CDKL5: variants seen among roughly 807,000 people sequenced by gnomAD.
CDKL5 encodes the protein cyclin dependent kinase like 5.
CDKL5 carries 8 observed loss-of-function variants against 61.7 expected under a neutral mutation model. The observed-to-expected ratio is 0.13, with a 90% CI of 0.08 to 0.23. The LOEUF (loss-of-function observed/expected upper bound fraction) is 0.23, where lower values mean the gene tolerates loss of function less well. CDKL5 is among the 10% of genes least tolerant of loss of function. The probability of loss-of-function intolerance (pLI) is 1.00; values close to 1 mark genes in which losing one functional copy is unlikely to be tolerated. For missense variants in CDKL5, 440 were observed against 734.5 expected (o/e 0.60, Z 4.63); for synonymous variants, 275 against 272.3 (o/e 1.01, Z -0.10).
chrX:18,616,201 A>G (rs772891685), intron 15 of CDKL5, among the ~76,000 whole-genome samples: 33 of 112,371 alleles, frequency 2.9e-4, no homozygotes, highest in African/African-American at 1.0e-3. Context: ...ATAGATCTCT[A>G]TGGAGTGTGT....
chrX:18,465,211 A>G (rs767946180), intron 1 of CDKL5, among the ~76,000 whole-genome samples: 17 of 111,589 alleles, frequency 1.5e-4, no homozygotes, highest in Admixed American at 3.8e-4. Context: ...TACAGCAAGC[A>G]TCCCTGTATG....
chrX:18,433,663 TG>T (rs1433588854), intron 1 of CDKL5, among the ~76,000 whole-genome samples: 1 of 113,021 alleles, frequency 8.8e-6, no homozygotes, highest in African/African-American at 3.2e-5. Flanking sequence ...TAACTGCAAA[TG>T]ATATAAATTA....
intron 1 of CDKL5, among the ~76,000 whole-genome samples, chrX:18,504,408 A>G (rs1922497992): frequency 1.8e-5 from 2 of 112,224 alleles, no homozygotes; most frequent in South Asian, 7.4e-4. Context: ...GCCTGGGCAC[A>G]TGTTCTTAAG....
chrX:18,517,246 C>T (rs901802153), intron 3 of CDKL5, among the ~76,000 whole-genome samples: 1 of 111,356 alleles, frequency 9.0e-6, no homozygotes, highest in African/African-American at 3.3e-5. Context: ...GTTCCTAAAT[C>T]ATCGTTTCCC....
chrX:18,546,411 G>T (rs1924202577), intron 3 of CDKL5, among the ~76,000 whole-genome samples: 1 of 108,710 alleles, frequency 9.2e-6, no homozygotes, highest in African/African-American at 3.4e-5. Context: ...ACAGGCGCCC[G>T]CCACCACACC....
chrX:18,605,192 G>A (rs768132522), intron 12 of CDKL5, among the ~76,000 whole-genome samples: 2 of 110,444 alleles, frequency 1.8e-5, no homozygotes, highest in Non-Finnish European at 3.8e-5. Context: ...AGCTGTATCA[G>A]TTAGGTTTTA....
chrX:18,612,027 A>AT (rs1926568953), intron 14 of CDKL5, among the ~76,000 whole-genome samples: 1 of 112,096 alleles, frequency 8.9e-6, no homozygotes, highest in South Asian at 3.7e-4. Flanking sequence ...TTTTATTATA[A>AT]CCATTCTTAG....
chrX:18,442,107 A>G (rs1305271683), intron 1 of CDKL5: 1 of 111,272 alleles, frequency 9.0e-6, no homozygotes, highest in African/African-American at 3.3e-5. Flanking sequence ...GAGTGGAGAT[A>G]GGGGAGAGTG....
intron 1 of CDKL5, among the ~76,000 whole-genome samples, chrX:18,451,614 C>G (rs1932019039): frequency 8.9e-6 from 1 of 111,930 alleles, no homozygotes; most frequent in Non-Finnish European, 1.9e-5. Context: ...TCTTGGCTCC[C>G]TGCAGCCTTG....
At chrX:18,579,991 G>A (rs1297473965) in intron 6 of CDKL5, 23 bp downstream of exon 6, 1 of 1,139,692 alleles carries the variant, frequency 8.8e-7, no homozygotes, top group Non-Finnish European at 1.2e-6. Flanking sequence ...TTTTTAAAAT[G>A]GAAAATATTA....
intron 1 of CDKL5, among the ~76,000 whole-genome samples, chrX:18,440,491 T>A (rs1278795741): frequency 9.0e-6 from 1 of 111,418 alleles, no homozygotes. Context: ...TGGGTTTTTT[T>A]AGACGGAGTT....
In CDKL5 at chrX:18,549,371, A is replaced by G. The variant is rs150158649; in HGVS notation, c.100-15106A>G. ...GAATCTCTAGCAAGCTCTGTCACTC[A>G]TTCAACAGAGCAATAGATTTTTCTC... On this transcript the variant is annotated intron_variant, in intron 3 of 17. Transcript: ENST00000623535. 4.3e-3 allele frequency among the ~76,000 whole-genome samples: 485 copies of G among 112,586 alleles called. 2 individuals carry two copies. The Middle Eastern group carries it at 0.046, about 11-fold the overall frequency.
rs976712240 is a variant in CDKL5 at position 18,633,639 on chromosome X, C to T, written c.*4882C>T. On this transcript the variant is annotated 3_prime_UTR_variant, in exon 18 of 18. Coordinates refer to ENST00000623535, the MANE Select transcript of CDKL5 (RefSeq NM_001323289.2). ...GAAGTCCCTCATCTATCTGCATACA[C>T]GCAATGTGGGAGAAGTGGGGTGGCT... 2.5e-5 allele frequency: 19 copies of T among 752,779 alleles called. No individual in the cohort carries two copies. Among genetic ancestry groups the T allele is most frequent in the East Asian group, 1.5e-4 (1 of 6,623 alleles). The allele number at this position is 752,779 out of a possible 1,213,427, so 62.0% of individuals were successfully genotyped here. A position where few individuals can be genotyped will look rare whatever the true frequency, so the allele number is the denominator to read the frequency against.
intron 1 of CDKL5, among the ~76,000 whole-genome samples, chrX:18,437,549 C>G (rs1236740177): frequency 8.9e-6 from 1 of 112,080 alleles, no homozygotes; most frequent in East Asian, 2.8e-4. Context: ...TATTTCTCAG[C>G]ATTTATGCTA....
chrX:18,641,855 C>T (rs1404798899), downstream of CDKL5: 3 of 531,241 alleles, frequency 5.6e-6, no homozygotes, highest in Non-Finnish European at 9.0e-6. Flanking sequence ...AAAGCTATAT[C>T]TTAAAAAAAA....
intron 1 of CDKL5, among the ~76,000 whole-genome samples, chrX:18,436,790 C>T (rs376499279): frequency 4.7e-5 from 5 of 106,239 alleles, no homozygotes; most frequent in Non-Finnish European, 7.7e-5. Flanking sequence ...CCCAGCTACT[C>T]CCAGAGAGTA....
intron 4 of CDKL5, among the ~76,000 whole-genome samples, chrX:18,573,077 A>C (rs1265424809): frequency 9.0e-6 from 1 of 111,005 alleles, no homozygotes; most frequent in Admixed American, 9.6e-5. Context: ...TAGACTGAGC[A>C]TTGTAGGCAG....
rs753419330 is a variant in CDKL5 at position 18,609,162 on chromosome X, G to GT, written c.2046+251dup. Among the ~76,000 whole-genome samples the GT allele has an allele frequency of 2.6e-3, 295 of 111,688 alleles. 2 individuals are homozygous for GT. The highest frequency in any genetic ancestry group is 9.3e-3 in the African/African-American group (285 of 30,743). On this transcript the variant is annotated intron_variant, in intron 13 of 17. Transcript: ENST00000623535. ...AATCCCAGCACTTTGGGAGGCTGAG[G>GT]TGGGAGGATTGCTTGTGTCCAGGAG...
intron 1 of CDKL5, among the ~76,000 whole-genome samples, chrX:18,480,103 T>C (rs1197479284): frequency 8.9e-6 from 1 of 112,060 alleles, no homozygotes; most frequent in Non-Finnish European, 1.9e-5. Flanking sequence ...TCAAATTTCC[T>C]GTTTTAATCT....
Sources: allele counts gnomAD v4.1 joint callset (sites outside exome capture counted in the v4.1 genomes callset), GRCh38; gene constraint gnomAD v4.1.1; transcripts MANE v1.5; gene names NCBI Gene and HGNC (gene_info 2026-07-23, HGNC 2026-07-21).